Variants in KCNH8 observed in about 807,000 individuals in gnomAD.
KCNH8 encodes potassium voltage-gated channel subfamily H member 8.
Under a neutral mutation model 103.6 loss-of-function variants are expected in KCNH8, and 70 were observed. That is an observed-to-expected ratio of 0.68 (90% CI 0.56 to 0.82). The LOEUF (loss-of-function observed/expected upper bound fraction) is 0.82, where lower values mean the gene tolerates loss of function less well. Ranked by LOEUF, KCNH8 falls within the 40% of genes least tolerant of loss-of-function variation. The pLI, the probability that KCNH8 is intolerant of heterozygous loss-of-function variation, is 0.00. For synonymous variants in KCNH8, 498 were observed against 489.4 expected (o/e 1.02, Z -0.23); for missense variants, 1,217 against 1,329.9 (o/e 0.92, Z 1.32).
intron 11 of KCNH8, among the ~76,000 whole-genome samples, chr3:19,489,557 C>A (rs556284186): frequency 3.2e-4 from 49 of 152,116 alleles, no homozygotes; most frequent in Admixed American, 1.4e-3. Context: ...ACCTGTAATG[C>A]TGGCCAGTCT....
intron 4 of KCNH8, among the ~76,000 whole-genome samples, chr3:19,343,999 T>TTC (rs58735409): frequency 6.6e-6 from 1 of 151,356 alleles, no homozygotes; most frequent in Admixed American, 6.6e-5. Context: ...TTTTTTTTTT[T>TTC]GGTCCTAATT....
intron 11 of KCNH8, among the ~76,000 whole-genome samples, chr3:19,463,307 A>G (rs1480341193): frequency 6.6e-6 from 1 of 152,160 alleles, no homozygotes; most frequent in Non-Finnish European, 1.5e-5. Flanking sequence ...TAACACAAAT[A>G]TAAATAAACA....
chr3:19,236,281 T>C (rs113816937), intron 1 of KCNH8, among the ~76,000 whole-genome samples: 119 of 152,272 alleles, frequency 7.8e-4, no homozygotes, highest in Middle Eastern at 3.4e-3. Flanking sequence ...TCTTCCTCCG[T>C]GTGGGGGTGG....
At chr3:19,289,569 T>C (rs2064887431) in intron 3 of KCNH8, among the ~76,000 whole-genome samples, 1 of 152,188 alleles carries the variant, frequency 6.6e-6, no homozygotes, top group South Asian at 2.1e-4. Context: ...GGCTCTGTTC[T>C]GTTCCATTGG....
Position 19,325,042 on chromosome 3 carries a change from C to T in KCNH8, c.443-17545C>T, listed in dbSNP as rs77577560. 6.4e-3 allele frequency among the ~76,000 whole-genome samples: 968 copies of T among 152,192 alleles called. 9 individuals are homozygous for T. Among genetic ancestry groups the T allele is most frequent in the African/African-American group, 0.021 (875 of 41,522 alleles). On this transcript the variant is annotated intron_variant, in intron 3 of 15. Coordinates refer to ENST00000328405, the MANE Select transcript of KCNH8 (RefSeq NM_144633.3). Reference sequence around the variant, plus strand: ...ACTCAGAAATAAGACCACATGCTTACTTAAGATCACTAAGCTATGTGATCT... The same window carrying T: ...ACTCAGAAATAAGACCACATGCTTATTTAAGATCACTAAGCTATGTGATCT...
intron 1 of KCNH8, among the ~76,000 whole-genome samples, chr3:19,189,926 C>G (rs1055779566): frequency 6.6e-6 from 1 of 151,556 alleles, no homozygotes; most frequent in African/African-American, 2.4e-5. Flanking sequence ...GAGCTATTGA[C>G]TATAATTTTA....
At chr3:19,230,737 C>G (rs2063985044) in intron 1 of KCNH8, among the ~76,000 whole-genome samples, 1 of 152,072 alleles carries the variant, frequency 6.6e-6, no homozygotes, top group Admixed American at 6.5e-5. Flanking sequence ...AAAAAACTTA[C>G]AAACTGAAGA....
chr3:19,381,792 T>C (rs1460299505), intron 5 of KCNH8, among the ~76,000 whole-genome samples: 1 of 152,178 alleles, frequency 6.6e-6, no homozygotes, highest in Non-Finnish European at 1.5e-5. Context: ...AGTGAATTCG[T>C]ATAGTCTCTC....
chr3:19,190,118 G>T (rs2063537532), intron 1 of KCNH8, among the ~76,000 whole-genome samples: 1 of 151,892 alleles, frequency 6.6e-6, no homozygotes, highest in Admixed American at 6.6e-5. Context: ...CAATATGTTT[G>T]TAAAGTCCAG....
At chr3:19,181,143 A>G (rs113711204) in intron 1 of KCNH8, among the ~76,000 whole-genome samples, 110 of 152,270 alleles carry the variant, frequency 7.2e-4, no homozygotes, top group African/African-American at 2.4e-3. Context: ...TTTTAGTCAT[A>G]CTGATACTGA....
chr3:19,330,252 G>T (rs2065487511), intron 3 of KCNH8, among the ~76,000 whole-genome samples: 1 of 152,130 alleles, frequency 6.6e-6, no homozygotes, highest in Admixed American at 6.6e-5. Context: ...CCAGAGGCCA[G>T]TTTCTCTATT....
chr3:19,425,576 C>T (rs1008715309), intron 7 of KCNH8, among the ~76,000 whole-genome samples: 1 of 152,078 alleles, frequency 6.6e-6, no homozygotes, highest in African/African-American at 2.4e-5. Flanking sequence ...TCCCCTGGTT[C>T]AAGGAAAGTC....
chr3:19,337,861 A>G (rs2065604847), intron 3 of KCNH8, among the ~76,000 whole-genome samples: 1 of 152,018 alleles, frequency 6.6e-6, no homozygotes, highest in Non-Finnish European at 1.5e-5. Context: ...ATGTCATTTG[A>G]AAGTTTAAAA....
chr3:19,474,371 T>A (rs1266709859), intron 11 of KCNH8, among the ~76,000 whole-genome samples: 2 of 152,110 alleles, frequency 1.3e-5, no homozygotes, highest in Non-Finnish European at 2.9e-5. Context: ...TCCAGTTTGA[T>A]CAGATTCAAG....
intron 5 of KCNH8, among the ~76,000 whole-genome samples, chr3:19,382,593 C>G (rs146370463): frequency 2.0e-5 from 3 of 152,050 alleles, no homozygotes; most frequent in Non-Finnish European, 4.4e-5. Context: ...TAATATGTGA[C>G]GCAGTCTTAG....
At chr3:19,488,753 C>A (rs1013348429) in intron 11 of KCNH8, among the ~76,000 whole-genome samples, 1 of 152,028 alleles carries the variant, frequency 6.6e-6, no homozygotes, top group African/African-American at 2.4e-5. Context: ...CAGCTGAATC[C>A]TTATATATTC....
chr3:19,511,152 AC>A (rs1223760702), intron 12 of KCNH8, among the ~76,000 whole-genome samples: 2 of 73,382 alleles, frequency 2.7e-5, no homozygotes, highest in African/African-American at 1.1e-4. Flanking sequence ...CTAGCCCCCC[AC>A]CCCCCACAGG....
intron 2 of KCNH8, among the ~76,000 whole-genome samples, chr3:19,266,810 A>G (rs1408756915): frequency 6.6e-6 from 1 of 152,064 alleles, no homozygotes; most frequent in African/African-American, 2.4e-5. Context: ...CTTTATGGTT[A>G]CCTTTCCTCC....
At chr3:19,346,850 A>G in intron 4 of KCNH8, 1 of 353,930 alleles carries the variant, frequency 2.8e-6, no homozygotes, top group Non-Finnish European at 5.7e-6. Context: ...CAGGTCTGCA[A>G]GTAGCTGGTC....
Sources: gnomAD v4.1 joint callset for allele counts (sites outside exome capture counted in the v4.1 genomes callset) on GRCh38, gnomAD v4.1.1 for gene constraint, MANE v1.5 for transcripts, NCBI Gene and HGNC (gene_info 2026-07-23, HGNC 2026-07-21) for gene names.